The following DLC1 variants were observed in gnomAD, a reference collection of about 807,000 sequenced individuals.
DLC1 encodes the protein DLC1 Rho GTPase activating protein, also known as rho GTPase-activating protein 7.
DLC1 carries 54 observed loss-of-function variants against 140.3 expected under a neutral mutation model. That is an observed-to-expected ratio of 0.38 (90% CI 0.31 to 0.48). The LOEUF (loss-of-function observed/expected upper bound fraction) is 0.48. Ranked by LOEUF, DLC1 falls within the 20% of genes least tolerant of loss-of-function variation. The pLI, the probability that DLC1 is intolerant of heterozygous loss-of-function variation, is 0.96. For synonymous variants in DLC1, 986 were observed against 728.1 expected, an observed-to-expected ratio of 1.35 and a Z score of -5.70; for missense variants, 2,536 against 1,907.0, an observed-to-expected ratio of 1.33 and a Z score of -6.14.
chr8:13,287,894 A>G (rs1429778553), intron 5 of DLC1, among the ~76,000 whole-genome samples: 2 of 150,516 alleles, frequency 1.3e-5, no homozygotes. Context: ...TTTTTTTTTT[A>G]GGAAATAGAA....
chr8:13,156,404 G>A (rs34079066), intron 5 of DLC1, among the ~76,000 whole-genome samples: 6,160 of 152,268 alleles, frequency 0.04, 162 homozygotes, highest in Middle Eastern at 0.065. Flanking sequence ...TGCGCTGGGT[G>A]TACCAGATGC....
chr8:13,534,295 C>G (rs747229175), intron 1 of DLC1, among the ~76,000 whole-genome samples: 2 of 152,168 alleles, frequency 1.3e-5, no homozygotes, highest in Non-Finnish European at 2.9e-5. Context: ...CATGTTTGCA[C>G]TACCTTTTAC....
At chr8:13,587,446 T>C (rs1017505893) in intron 1 of DLC1, among the ~76,000 whole-genome samples, 2 of 151,860 alleles carry the variant, frequency 1.3e-5, no homozygotes, top group Admixed American at 1.3e-4. Flanking sequence ...GCATTACATG[T>C]ACGATTCTCT....
chr8:13,521,487 G>C (rs189025008), intron 1 of DLC1, among the ~76,000 whole-genome samples: 113 of 152,050 alleles, frequency 7.4e-4, no homozygotes, highest in African/African-American at 2.7e-3. Flanking sequence ...TTTCAAATGG[G>C]GCCACGCATT....
rs60048506 is a variant in DLC1, at chr8:13,297,282, T to TAAAAAAAAAAAAAAAAAAA, written c.1348+7986_1348+7987insTTTTTTTTTTTTTTTTTTT. ...CAGGCAAGCAGAGGCCTTCATACAT[T>TAAAAAAAAAAAAAAAAAAA]AAAAAAAAAAAAAACTGAAGCAAGT... On this transcript the variant is annotated intron_variant, in intron 5 of 17. Transcript: ENST00000276297. 7.1e-3 allele frequency among the ~76,000 whole-genome samples: 68 copies of TAAAAAAAAAAAAAAAAAAA among 9,628 alleles called. 22 individuals are homozygous for TAAAAAAAAAAAAAAAAAAA. Among genetic ancestry groups the TAAAAAAAAAAAAAAAAAAA allele is most frequent in the African/African-American group, 0.012 (33 of 2,782 alleles). 6.3% of individuals were successfully genotyped at this position (9,628 alleles called of 152,430 possible). A position where few individuals can be genotyped will look rare whatever the true frequency, so the allele number is the denominator to read the frequency against.
At chr8:13,434,062 A>T (rs979096633) in intron 2 of DLC1, among the ~76,000 whole-genome samples, 14 of 152,130 alleles carry the variant, frequency 9.2e-5, no homozygotes, top group African/African-American at 3.4e-4. Flanking sequence ...TTTTTAATTG[A>T]GATGGAGTTT....
At chr8:13,569,092 A>G (rs7819284) in intron 1 of DLC1, among the ~76,000 whole-genome samples, 150,180 of 152,272 alleles carry the variant, frequency 0.99, 74,107 homozygotes, top group East Asian at 1. Flanking sequence ...GTATTATTCC[A>G]CAAGGAATAC....
At chr8:13,545,042 C>T (rs1803608648) in intron 1 of DLC1, among the ~76,000 whole-genome samples, 1 of 151,964 alleles carries the variant, frequency 6.6e-6, no homozygotes, top group Non-Finnish European at 1.5e-5. Context: ...TTTATATTTT[C>T]GTCGTATCCT....
chr8:13,293,624 C>A (rs1684224390), intron 5 of DLC1, among the ~76,000 whole-genome samples: 1 of 152,136 alleles, frequency 6.6e-6, no homozygotes, highest in African/African-American at 2.4e-5. Flanking sequence ...GAGGTTTCTG[C>A]TTTCAAGGAG....
intron 5 of DLC1, among the ~76,000 whole-genome samples, chr8:13,139,980 G>T (rs151106333): frequency 6.6e-6 from 1 of 152,102 alleles, no homozygotes; most frequent in African/African-American, 2.4e-5. Context: ...TCACGTTATT[G>T]TGTGACGATC....
At chr8:13,552,633 A>T (rs1209073845) in intron 1 of DLC1, among the ~76,000 whole-genome samples, 1 of 151,636 alleles carries the variant, frequency 6.6e-6, no homozygotes, top group Non-Finnish European at 1.5e-5. Flanking sequence ...AAATGTGTTC[A>T]TAGAGTATTA....
intron 5 of DLC1, among the ~76,000 whole-genome samples, chr8:13,190,903 C>T (rs1214475734): frequency 1.3e-5 from 2 of 151,894 alleles, no homozygotes; most frequent in Non-Finnish European, 2.9e-5. Flanking sequence ...CTTTCTTCAC[C>T]AAAATGTTCC....
intron 1 of DLC1, among the ~76,000 whole-genome samples, chr8:13,528,990 AG>A (rs1244293254): frequency 2.6e-5 from 4 of 152,342 alleles, no homozygotes; most frequent in African/African-American, 9.6e-5. Flanking sequence ...ATGTCTGAAT[AG>A]CTATGCCAAG....
At chr8:13,407,489 C>T (rs1272621148) in intron 2 of DLC1, among the ~76,000 whole-genome samples, 1 of 152,136 alleles carries the variant, frequency 6.6e-6, no homozygotes, top group Non-Finnish European at 1.5e-5. Flanking sequence ...ATATAAAGTC[C>T]AGAAAAGAGT....
intron 5 of DLC1, among the ~76,000 whole-genome samples, chr8:13,140,803 A>G (rs952407211): frequency 6.6e-6 from 1 of 152,200 alleles, no homozygotes; most frequent in African/African-American, 2.4e-5. Flanking sequence ...CGAAGACACA[A>G]ATTTAATTTA....
At chr8:13,419,142 C>T (rs1054813562) in intron 2 of DLC1, among the ~76,000 whole-genome samples, 2 of 152,174 alleles carry the variant, frequency 1.3e-5, no homozygotes, top group African/African-American at 4.8e-5. Flanking sequence ...TCTAGATATA[C>T]AATCATGTGG....
intron 5 of DLC1, among the ~76,000 whole-genome samples, chr8:13,179,125 T>C (rs914776825): frequency 6.6e-6 from 1 of 152,140 alleles, no homozygotes; most frequent in Admixed American, 6.5e-5. Flanking sequence ...TGCAAAATAA[T>C]TTGAAGAATT....
At chr8:13,334,915 C>T (rs932881210) in intron 4 of DLC1, among the ~76,000 whole-genome samples, 2 of 152,194 alleles carry the variant, frequency 1.3e-5, no homozygotes, top group African/African-American at 4.8e-5. Context: ...TGCCTCTTAA[C>T]TTTATCTGGA....
chr8:13,539,941 G>T (rs1056367040), intron 1 of DLC1, among the ~76,000 whole-genome samples: 1 of 152,168 alleles, frequency 6.6e-6, no homozygotes, highest in African/African-American at 2.4e-5. Flanking sequence ...CCTTTTCAAT[G>T]CAGCAGTGAA....
Sources: gnomAD v4.1 joint callset for allele counts (sites outside exome capture counted in the v4.1 genomes callset) on GRCh38, gnomAD v4.1.1 for gene constraint, MANE v1.5 for transcripts, NCBI Gene and HGNC (gene_info 2026-07-23, HGNC 2026-07-21) for gene names.